The following PCLO variants were observed in gnomAD, a reference collection of about 807,000 sequenced individuals.
The protein encoded by PCLO is piccolo presynaptic cytomatrix protein.
Under a neutral mutation model 427.5 loss-of-function variants are expected in PCLO, and 82 were observed. The ratio of observed to expected loss-of-function variants is 0.19; its 90% CI spans 0.16 to 0.23. The LOEUF is 0.23. Ranked by LOEUF, PCLO falls within the 10% of genes least tolerant of loss-of-function variation. The probability of loss-of-function intolerance (pLI) is 1.00; values close to 1 mark genes in which losing one functional copy is unlikely to be tolerated. For synonymous variants in PCLO, 2,357 were observed against 2,155.4 expected (o/e 1.09, Z -2.59); for missense variants, 6,239 against 6,115.9 (o/e 1.02, Z -0.67).
intron 3 of PCLO, among the ~76,000 whole-genome samples, chr7:83,092,817 A>C (rs1790412372): frequency 6.6e-6 from 1 of 151,702 alleles, no homozygotes; most frequent in Admixed American, 6.6e-5. Flanking sequence ...TGTGGTGATG[A>C]GTGCCTGAGA....
At chr7:83,154,643 G>C (rs1252877823) in intron 2 of PCLO, 105 bp downstream of exon 2, 1 of 875,334 alleles carries the variant, frequency 1.1e-6, no homozygotes, top group Non-Finnish European at 1.8e-6. Context: ...GGAGAATCCA[G>C]AGAAAGACAA....
intron 3 of PCLO, among the ~76,000 whole-genome samples, chr7:82,986,767 T>C (rs1796265358): frequency 6.6e-6 from 1 of 151,962 alleles, no homozygotes; most frequent in African/African-American, 2.4e-5. Flanking sequence ...TCAAAATGAA[T>C]AATTCTTTAC....
At chr7:83,008,963 G>C (rs1187422008) in intron 3 of PCLO, among the ~76,000 whole-genome samples, 1 of 151,344 alleles carries the variant, frequency 6.6e-6, no homozygotes, top group African/African-American at 2.4e-5. Context: ...AAAAAAATCA[G>C]TTTCCTGAGA....
intron 3 of PCLO, among the ~76,000 whole-genome samples, chr7:83,062,810 T>C (rs1285806648): frequency 1.3e-5 from 2 of 152,148 alleles, no homozygotes; most frequent in Admixed American, 1.3e-4. Flanking sequence ...TTTATTGTGA[T>C]ACCCATCACA....
intron 3 of PCLO, among the ~76,000 whole-genome samples, chr7:83,082,362 T>C (rs1399870420): frequency 6.6e-6 from 1 of 151,698 alleles, no homozygotes; most frequent in Non-Finnish European, 1.5e-5. Flanking sequence ...GAAGTCACAG[T>C]AATATAAAAA....
intron 3 of PCLO, among the ~76,000 whole-genome samples, chr7:82,991,946 A>T (rs1796386405): frequency 6.6e-6 from 1 of 152,132 alleles, no homozygotes; most frequent in Non-Finnish European, 1.5e-5. Context: ...ATATTACATG[A>T]CAATCTATTA....
chr7:83,038,992 A>T (rs961837189), intron 3 of PCLO, among the ~76,000 whole-genome samples: 1 of 151,968 alleles, frequency 6.6e-6, no homozygotes, highest in Non-Finnish European at 1.5e-5. Flanking sequence ...AAAGATGTCA[A>T]GCATGCATTT....
chr7:83,090,911 G>A (rs1018799151), intron 3 of PCLO, among the ~76,000 whole-genome samples: 6 of 151,858 alleles, frequency 4.0e-5, no homozygotes, highest in Non-Finnish European at 7.4e-5. Flanking sequence ...GATTAGTAAC[G>A]AAGCCACAAA....
chr7:83,107,930 A>C (rs1790903213), intron 3 of PCLO, among the ~76,000 whole-genome samples: 1 of 146,166 alleles, frequency 6.8e-6, no homozygotes, highest in South Asian at 2.2e-4. Context: ...CGGAAGATGC[A>C]GTGAGCCAAG....
chr7:83,055,152 C>T (rs888686483), intron 3 of PCLO, among the ~76,000 whole-genome samples: 2 of 152,062 alleles, frequency 1.3e-5, no homozygotes, highest in African/African-American at 4.8e-5. Context: ...AACACTATTT[C>T]CTGCAATATT....
chr7:82,954,886 C>T lies in PCLO; in HGVS notation c.6067G>A (p.Val2023Ile). The change falls in exon 5 of 25, where the codon GTT (valine) becomes ATT (isoleucine). Residue 2023 changes from valine (V) to isoleucine (I), a missense_variant. Transcript: ENST00000333891. ...GAAACAATATCTTCCTGAGGCACAA[C>T]AGAATGTAAGCTTTCTAACTCATAA... is the stretch of plus-strand genomic sequence containing the variant. ...EFYELESLHS[V>I]VPQEDIVSSS... 1 of 1,613,938 alleles carries T rather than the reference C, an allele frequency of 6.2e-7. No homozygotes were observed. The highest frequency in any genetic ancestry group is 8.5e-7 in the Non-Finnish European group (1 of 1,179,846).
chr7:82,796,657 G>A (rs1340695455), intron 22 of PCLO, among the ~76,000 whole-genome samples: 2 of 151,072 alleles, frequency 1.3e-5, no homozygotes, highest in African/African-American at 4.9e-5. Context: ...ATTGTAATTA[G>A]TCATTGCATC....
rs1794454343 is a variant in PCLO at position 82,916,109 on chromosome 7, T to C, written c.11877A>G (p.Ile3959Met). Residue 3959 changes from isoleucine to methionine, a missense_variant, in exon 7 of 25, where the codon ATA becomes ATG. Transcript: ENST00000333891. ...ATGTAGTTTGCCGTGGCTTCTGTTG[T>C]ATCACCATCATCTGTGAAGGTAACT... ...SYQLPSQMMV[I>M]QQKPRQTTLY... 3.7e-6 allele frequency: 6 copies of C among 1,613,670 alleles called. No homozygotes were observed. The highest frequency in any genetic ancestry group is 4.2e-6 in the Non-Finnish European group (5 of 1,179,750).
intron 3 of PCLO, among the ~76,000 whole-genome samples, chr7:83,036,475 T>C (rs1788797546): frequency 6.6e-6 from 1 of 152,160 alleles, no homozygotes; most frequent in Non-Finnish European, 1.5e-5. Context: ...AACACTTATA[T>C]TGCTCACCTG....
chr7:82,784,976 C>CA (rs1275273535), intron 22 of PCLO, among the ~76,000 whole-genome samples: 9 of 152,270 alleles, frequency 5.9e-5, no homozygotes, highest in Non-Finnish European at 1.0e-4. Flanking sequence ...TTTACAACCA[C>CA]AAAAAACTGG....
intron 22 of PCLO, among the ~76,000 whole-genome samples, chr7:82,791,921 T>C (rs192304364): frequency 7.0e-4 from 107 of 152,164 alleles, no homozygotes; most frequent in Non-Finnish European, 1.1e-3. Context: ...TTTTTAAAAA[T>C]TCTGAATTTT....
chr7:82,760,941 G>GTATTTTTTTTTTTTT (rs1324417909), intron 23 of PCLO, among the ~76,000 whole-genome samples, 157 bp from the exon 24 acceptor site: 1 of 87,984 alleles, frequency 1.1e-5, no homozygotes, highest in African/African-American at 3.9e-5. Context: ...TAAAAGATAT[G>GTATTTTTTTTTTTTT]TCTTTTTTTT....
intron 3 of PCLO, among the ~76,000 whole-genome samples, chr7:83,022,439 G>A (rs34077357): frequency 0.099 from 15,072 of 152,110 alleles, 998 homozygotes; most frequent in Non-Finnish European, 0.14. Flanking sequence ...GGAAAATGAT[G>A]GCAATATTTT....
intron 22 of PCLO, among the ~76,000 whole-genome samples, chr7:82,783,398 A>G (rs2129468185): frequency 6.6e-6 from 1 of 152,198 alleles, no homozygotes; most frequent in East Asian, 1.9e-4. Context: ...GCGGATCACG[A>G]CGTCAGGAGA....
Sources: allele counts gnomAD v4.1 joint callset (sites outside exome capture counted in the v4.1 genomes callset), GRCh38; gene constraint gnomAD v4.1.1; transcripts MANE v1.5; gene names NCBI Gene and HGNC (gene_info 2026-07-23, HGNC 2026-07-21).